The following DSCAM variants were observed in gnomAD, a reference collection of about 807,000 sequenced individuals.
The protein encoded by DSCAM is DS cell adhesion molecule.
A neutral mutation model predicts 217.7 loss-of-function variants in DSCAM; 47 were observed. That is an observed-to-expected ratio of 0.22 (90% CI 0.17 to 0.28). The LOEUF (loss-of-function observed/expected upper bound fraction) is 0.28, where lower values mean the gene tolerates loss of function less well. Ranked by LOEUF, DSCAM falls within the 10% of genes least tolerant of loss-of-function variation. The pLI, the probability that DSCAM is intolerant of heterozygous loss-of-function variation, is 1.00. For missense variants in DSCAM, 2,080 were observed against 2,618.3 expected (o/e 0.79, Z 4.49); for synonymous variants, 1,056 against 1,015.3 (o/e 1.04, Z -0.76).
At chr21:40,808,314 CA>C (rs1190040309) in intron 1 of DSCAM, among the ~76,000 whole-genome samples, 2 of 151,902 alleles carry the variant, frequency 1.3e-5, no homozygotes, top group Non-Finnish European at 2.9e-5. Flanking sequence ...CATACAGACC[CA>C]AAGTTCACAA....
At chr21:40,389,466 T>C (rs754133465) in intron 3 of DSCAM, among the ~76,000 whole-genome samples, 1 of 152,228 alleles carries the variant, frequency 6.6e-6, no homozygotes, top group Non-Finnish European at 1.5e-5. Context: ...CAATAGATTA[T>C]AGAAAATCTA....
At chr21:40,219,206 A>G (rs1165539765) in intron 11 of DSCAM, among the ~76,000 whole-genome samples, 1 of 152,198 alleles carries the variant, frequency 6.6e-6, no homozygotes, top group Non-Finnish European at 1.5e-5. Flanking sequence ...ATTTTATCAA[A>G]AGCCTTTCCT....
chr21:40,568,969 C>G (rs1005121897), intron 3 of DSCAM, among the ~76,000 whole-genome samples: 1 of 152,128 alleles, frequency 6.6e-6, no homozygotes, highest in Non-Finnish European at 1.5e-5. Context: ...GCTGGCTGTC[C>G]CAGACAACTC....
At chr21:40,568,320 TTTTC>T (rs1429106479) in intron 3 of DSCAM, among the ~76,000 whole-genome samples, 32 of 152,304 alleles carry the variant, frequency 2.1e-4, no homozygotes, top group African/African-American at 7.0e-4. Context: ...TATATATTTT[TTTTC>T]TTTAAGATTG....
At chr21:40,168,074 AC>A (rs1217271523) in intron 15 of DSCAM, among the ~76,000 whole-genome samples, 1 of 152,144 alleles carries the variant, frequency 6.6e-6, no homozygotes, top group African/African-American at 2.4e-5. Flanking sequence ...ACATAAACAA[AC>A]AAAAAACAAC....
intron 8 of DSCAM, among the ~76,000 whole-genome samples, chr21:40,330,957 G>A (rs186857513): frequency 3.0e-4 from 45 of 152,174 alleles, no homozygotes; most frequent in Admixed American, 1.2e-3. Context: ...TTCCCAAGTC[G>A]TTGTTGAAAA....
intron 20 of DSCAM, among the ~76,000 whole-genome samples, chr21:40,105,914 T>C (rs1357460439): frequency 3.9e-5 from 6 of 152,200 alleles, no homozygotes; most frequent in Non-Finnish European, 5.9e-5. Flanking sequence ...CATTTATTGA[T>C]TGAGTATGTT....
intron 3 of DSCAM, among the ~76,000 whole-genome samples, chr21:40,691,237 C>T (rs948152426): frequency 1.3e-5 from 2 of 152,210 alleles, no homozygotes; most frequent in East Asian, 3.9e-4. Context: ...CATGTGTCAC[C>T]TCCAAGTGGA....
Position 40,560,282 on chromosome 21 carries a change from A to G in DSCAM, c.508+132528T>C, listed in dbSNP as rs117323188. Among the ~76,000 whole-genome samples, 514 of 152,294 alleles carry G rather than the reference A, an allele frequency of 3.4e-3. 1 individual carries two copies. Among genetic ancestry groups the G allele is most frequent in the Non-Finnish European group, 6.4e-3 (436 of 68,012 alleles). On this transcript the variant is annotated intron_variant, in intron 3 of 32. Coordinates refer to ENST00000400454, the MANE Select transcript of DSCAM (RefSeq NM_001389.5). ...GTTGCCCTGGATGTAGGAGTTACCTAGAGAAGCTCAGACAGAGGCTGGAAG... is the reference window on the plus strand; with the variant it reads ...GTTGCCCTGGATGTAGGAGTTACCTGGAGAAGCTCAGACAGAGGCTGGAAG...
intron 1 of DSCAM, among the ~76,000 whole-genome samples, chr21:40,797,832 T>C (rs920353364): frequency 1.8e-4 from 27 of 152,124 alleles, no homozygotes; most frequent in African/African-American, 6.0e-4. Flanking sequence ...TTTAATACAG[T>C]TGTAAGGATC....
At chr21:40,066,667 C>T (rs536127608) in intron 27 of DSCAM, among the ~76,000 whole-genome samples, 1 of 152,318 alleles carries the variant, frequency 6.6e-6, no homozygotes, top group East Asian at 1.9e-4. Context: ...CTTCTTGCTT[C>T]CAGCCTTTCA....
At chr21:40,831,955 T>C (rs945016893) in intron 1 of DSCAM, among the ~76,000 whole-genome samples, 3 of 152,324 alleles carry the variant, frequency 2.0e-5, no homozygotes, top group African/African-American at 7.2e-5. Context: ...TTCAAATGAA[T>C]GAATGTGGCT....
At position 40,603,518 on chromosome 21, in the gene DSCAM, A is replaced by G. The variant is rs943727012; in HGVS notation, c.508+89292T>C. Among the ~76,000 whole-genome samples the G allele has an allele frequency of 2.6e-5, 4 of 152,228 alleles. 1 individual carries two copies. In the South Asian group the frequency reaches 8.3e-4, roughly 32 times the overall value. ...TTCCTACGAAGCTCCTCCTTTTGTT[A>G]TGTAAATCTGAATTTCTGACCCATG... On this transcript the variant is annotated intron_variant, in intron 3 of 32. Transcript: ENST00000400454.
chr21:40,572,791 GAA>G (rs2076818425), intron 3 of DSCAM, among the ~76,000 whole-genome samples: 1 of 152,138 alleles, frequency 6.6e-6, no homozygotes, highest in Non-Finnish European at 1.5e-5. Flanking sequence ...TGTTGCTTTT[GAA>G]AAGCTCACAT....
At chr21:40,396,679 G>GCTA (rs3069907) in intron 3 of DSCAM, among the ~76,000 whole-genome samples, 28,737 of 151,090 alleles carry the variant, frequency 0.19, 2,962 homozygotes, top group East Asian at 0.37. Flanking sequence ...TGCCACTGCT[G>GCTA]CTACTACTAC....
chr21:40,363,857 A>G (rs1196170193), intron 4 of DSCAM, among the ~76,000 whole-genome samples: 1 of 152,198 alleles, frequency 6.6e-6, no homozygotes, highest in Non-Finnish European at 1.5e-5. Context: ...ACCATCAACA[A>G]GTGGGCAAAG....
At chr21:40,138,520 G>C (rs1170959255) in intron 18 of DSCAM, among the ~76,000 whole-genome samples, 1 of 148,616 alleles carries the variant, frequency 6.7e-6, no homozygotes, top group African/African-American at 2.5e-5. Flanking sequence ...TGTATGCGGA[G>C]TGTGTGTGGT....
intron 3 of DSCAM, among the ~76,000 whole-genome samples, chr21:40,568,827 G>T (rs906665267): frequency 6.6e-6 from 1 of 152,100 alleles, no homozygotes; most frequent in Non-Finnish European, 1.5e-5. Context: ...CTCAGGGCAG[G>T]CTAGACAATG....
chr21:40,227,849 A>G (rs1011290363), intron 11 of DSCAM, among the ~76,000 whole-genome samples: 1 of 152,204 alleles, frequency 6.6e-6, no homozygotes, highest in Non-Finnish European at 1.5e-5. Context: ...TGCATTGTTA[A>G]CTAAGTGCAT....
Sources: allele counts gnomAD v4.1 joint callset (sites outside exome capture counted in the v4.1 genomes callset), GRCh38; gene constraint gnomAD v4.1.1; transcripts MANE v1.5; gene names NCBI Gene and HGNC (gene_info 2026-07-23, HGNC 2026-07-21).